UBASH3B: variants seen among roughly 807,000 people sequenced by gnomAD.
UBASH3B encodes the protein ubiquitin-associated and SH3 domain-containing protein B.
In UBASH3B, 37 loss-of-function variants were observed where a neutral mutation model predicts 83.4. That is an observed-to-expected ratio of 0.44 (90% CI 0.34 to 0.58). UBASH3B has a LOEUF of 0.58. UBASH3B is among the 20% of genes least tolerant of loss of function. The pLI is 0.01. For synonymous variants in UBASH3B, 304 were observed against 318.3 expected (o/e 0.96, Z 0.48); for missense variants, 657 against 827.2 (o/e 0.79, Z 2.52).
At chr11:122,692,794 T>G (rs908282512) in intron 1 of UBASH3B, among the ~76,000 whole-genome samples, 1 of 152,240 alleles carries the variant, frequency 6.6e-6, no homozygotes, top group Admixed American at 6.5e-5. Context: ...AGAAGACACA[T>G]TCCTCCCTTC....
At chr11:122,711,073 G>A (rs1454992662) in intron 1 of UBASH3B, among the ~76,000 whole-genome samples, 4 of 152,164 alleles carry the variant, frequency 2.6e-5, no homozygotes, top group African/African-American at 4.8e-5. Context: ...TGTTGGAAAC[G>A]AGATTCATGG....
At chr11:122,703,257 C>T (rs1864069379) in intron 1 of UBASH3B, among the ~76,000 whole-genome samples, 1 of 152,034 alleles carries the variant, frequency 6.6e-6, no homozygotes, top group Admixed American at 6.6e-5. Context: ...GAAACCCCGT[C>T]TCTACTAAAA....
Position 122,777,073 on chromosome 11 carries a change from G to A in UBASH3B, c.265G>A (p.Glu89Lys), listed in dbSNP as rs771978062. Residue 89 changes from glutamate (E) to lysine (K), a missense_variant, in exon 3 of 14, where the codon GAG becomes AAG. Coordinates refer to ENST00000284273, the MANE Select transcript of UBASH3B (RefSeq NM_032873.5). The part of the protein sequence containing the change: ...DPFLDDPLPR[E>K]YVLYLRPTGP... Reference sequence around the variant, plus strand: ...CTTCCTGGATGACCCCCTGCCCCGGGAGTACGTCCTCTACCTCCGTCCCAC... The same window carrying A: ...CTTCCTGGATGACCCCCTGCCCCGGAAGTACGTCCTCTACCTCCGTCCCAC... 2 of 1,613,696 alleles carry A rather than the reference G, an allele frequency of 1.2e-6. No homozygotes were observed. Among genetic ancestry groups the A allele is most frequent in the Non-Finnish European group, 1.7e-6 (2 of 1,179,822 alleles).
At chr11:122,703,082 G>C (rs1864065537) in intron 1 of UBASH3B, among the ~76,000 whole-genome samples, 2 of 152,056 alleles carry the variant, frequency 1.3e-5, no homozygotes, top group Admixed American at 1.3e-4. Flanking sequence ...CAGGTACTTA[G>C]TAGATGTTTA....
intron 1 of UBASH3B, among the ~76,000 whole-genome samples, chr11:122,742,354 A>C (rs1057200482): frequency 2.6e-5 from 4 of 152,252 alleles, no homozygotes; most frequent in Non-Finnish European, 5.9e-5. Flanking sequence ...TCTCCAGGAA[A>C]GGAAATTCCA....
intron 1 of UBASH3B, among the ~76,000 whole-genome samples, chr11:122,769,171 C>T (rs1302734283): frequency 2.0e-5 from 3 of 152,146 alleles, no homozygotes; most frequent in Non-Finnish European, 4.4e-5. Flanking sequence ...GAAGCTTCCA[C>T]TCATGACAGA....
chr11:122,666,191 G>A (rs548312188), intron 1 of UBASH3B, among the ~76,000 whole-genome samples: 3 of 152,230 alleles, frequency 2.0e-5, no homozygotes, highest in African/African-American at 2.4e-5. Flanking sequence ...CAGGTAGCAG[G>A]ATTGTTTAGA....
At chr11:122,795,364 GAA>G (rs1200985906) in intron 7 of UBASH3B, among the ~76,000 whole-genome samples, 1 of 152,150 alleles carries the variant, frequency 6.6e-6, no homozygotes, top group Non-Finnish European at 1.5e-5. Flanking sequence ...GGAACAACAG[GAA>G]AAGAGATGGG....
chr11:122,717,334 CT>C (rs1317476552), intron 1 of UBASH3B, among the ~76,000 whole-genome samples: 1 of 152,224 alleles, frequency 6.6e-6, no homozygotes, highest in African/African-American at 2.4e-5. Context: ...CTCTCTGCCC[CT>C]GAGGAAGTGA....
intron 1 of UBASH3B, among the ~76,000 whole-genome samples, chr11:122,708,062 ACAT>A (rs1274363517): frequency 1.3e-5 from 2 of 152,116 alleles, no homozygotes; most frequent in African/African-American, 4.8e-5. Flanking sequence ...TCTTCTCCTG[ACAT>A]CATAATACTA....
intron 11 of UBASH3B, among the ~76,000 whole-genome samples, chr11:122,802,313 GAAAA>G (rs147011358): frequency 6.3e-4 from 42 of 66,210 alleles, no homozygotes; most frequent in East Asian, 3.0e-3. Context: ...GACTCTGTCT[GAAAA>G]AAAAAAAAAA....
At chr11:122,800,640 G>A (rs960180598) in intron 10 of UBASH3B, among the ~76,000 whole-genome samples, 8 of 151,874 alleles carry the variant, frequency 5.3e-5, no homozygotes, top group African/African-American at 1.9e-4. Flanking sequence ...ATAGAATCTC[G>A]CTCTGTCACC....
intron 1 of UBASH3B, among the ~76,000 whole-genome samples, chr11:122,757,098 A>G (rs1861293882): frequency 6.6e-6 from 1 of 152,212 alleles, no homozygotes; most frequent in Admixed American, 6.5e-5. Context: ...GAACCTAAGT[A>G]TCTTTGCCTA....
In UBASH3B at chr11:122,712,896, G is replaced by GTTTTTT. The variant is rs386375116; in HGVS notation, c.161+56711_161+56716dup. On this transcript the variant is annotated intron_variant, in intron 1 of 13. Transcript: ENST00000284273. Reference sequence around the variant, plus strand: ...GACATTCATCTTTCTTCTCTGGGTGGTTTTTTTTTTTTTTTTTTTTTTTTT... The same window carrying GTTTTTT: ...GACATTCATCTTTCTTCTCTGGGTGGTTTTTTTTTTTTTTTTTTTTTTTTTTTTTTT... 1.2e-3 allele frequency among the ~76,000 whole-genome samples: 76 copies of GTTTTTT among 64,520 alleles called. 11 individuals are homozygous for GTTTTTT. The highest frequency in any genetic ancestry group is 7.6e-3 in the East Asian group (11 of 1,448). 42.3% of individuals were successfully genotyped at this position (64,520 alleles called of 152,430 possible).
chr11:122,726,510 C>T (rs772238963), intron 1 of UBASH3B, among the ~76,000 whole-genome samples: 22 of 151,998 alleles, frequency 1.4e-4, no homozygotes, highest in Non-Finnish European at 2.6e-4. Context: ...CTACCATGCC[C>T]GGCTAATTTT....
intron 4 of UBASH3B, 184 bp from the exon 5 acceptor site, chr11:122,782,869 C>T (rs890658114): frequency 2.9e-5 from 20 of 679,552 alleles, no homozygotes; most frequent in African/African-American, 3.8e-5. Flanking sequence ...TGGCTTGATT[C>T]GGAATCTCTT....
At chr11:122,701,380 T>A in intron 1 of UBASH3B, among the ~76,000 whole-genome samples, 1 of 152,184 alleles carries the variant, frequency 6.6e-6, no homozygotes, top group Admixed American at 6.5e-5. Context: ...TTACATAGCA[T>A]GGAAATAATA....
chr11:122,808,280 C>A, intron 13 of UBASH3B, 104 bp downstream of exon 13: 2 of 924,586 alleles, frequency 2.2e-6, no homozygotes, highest in Non-Finnish European at 1.8e-6. Context: ...TTATGCTGAG[C>A]TGGGAATATT....
chr11:122,685,002 C>G (rs1863791480), intron 1 of UBASH3B, among the ~76,000 whole-genome samples: 1 of 152,182 alleles, frequency 6.6e-6, no homozygotes, highest in South Asian at 2.1e-4. Context: ...TTCCTTCATT[C>G]TTCTGGCTCA....
Sources: gnomAD v4.1 joint callset for allele counts (sites outside exome capture counted in the v4.1 genomes callset) on GRCh38, gnomAD v4.1.1 for gene constraint, MANE v1.5 for transcripts, NCBI Gene and HGNC (gene_info 2026-07-23, HGNC 2026-07-21) for gene names.